The following PLXNA4 variants were observed in gnomAD, a reference collection of about 807,000 sequenced individuals.
The protein encoded by PLXNA4 is plexin A4, also known as plexin-A4.
A neutral mutation model predicts 191.8 loss-of-function variants in PLXNA4; 44 were observed. The ratio of observed to expected loss-of-function variants is 0.23; its 90% CI spans 0.18 to 0.29. The LOEUF is 0.29. Ranked by LOEUF, PLXNA4 falls within the 10% of genes least tolerant of loss-of-function variation. The pLI is 1.00. For missense variants in PLXNA4, 1,800 were observed against 2,488.8 expected, an observed-to-expected ratio of 0.72 and a Z score of 5.89; for synonymous variants, 1,082 against 1,009.5, an observed-to-expected ratio of 1.07 and a Z score of -1.36.
intron 20 of PLXNA4, among the ~76,000 whole-genome samples, chr7:132,179,176 C>T (rs536552619): frequency 6.7e-6 from 1 of 150,312 alleles, no homozygotes; most frequent in Admixed American, 6.6e-5. Context: ...GCCTCCAGCA[C>T]TGCTCACAGC....
At chr7:132,575,999 G>A (rs1009799136) in intron 1 of PLXNA4, among the ~76,000 whole-genome samples, 2 of 152,202 alleles carry the variant, frequency 1.3e-5, no homozygotes, top group Non-Finnish European at 2.9e-5. Flanking sequence ...ACACTGGGTA[G>A]GTCTCCGGAA....
Position 132,130,317 on chromosome 7 carries a change from A to T in PLXNA4, c.*162T>A. 1.0e-6 allele frequency: 1 copy of T among 973,122 alleles called. No homozygotes were observed. Among genetic ancestry groups the T allele is most frequent in the African/African-American group, 1.6e-5 (1 of 62,618 alleles). The allele number at this position is 973,122 out of a possible 1,614,324, so 60.3% of individuals were successfully genotyped here. A position where few individuals can be genotyped will look rare whatever the true frequency, so the allele number is the denominator to read the frequency against. On this transcript the variant is annotated 3_prime_UTR_variant, in exon 32 of 32. Coordinates refer to ENST00000321063, the MANE Select transcript of PLXNA4 (RefSeq NM_020911.2). The stretch of plus-strand genomic sequence containing the variant: ...CAACTGGAAGAGAAGAGATCCAGGA[A>T]GGAGGGAGAAACGGAAAGAGGCAGA...
At chr7:132,350,169 T>C (rs1803424203) in intron 3 of PLXNA4, among the ~76,000 whole-genome samples, 1 of 152,158 alleles carries the variant, frequency 6.6e-6, no homozygotes, top group South Asian at 2.1e-4. Context: ...TGTTCACAAG[T>C]TAATTGTTTA....
At chr7:132,566,168 A>C (rs577948284) in intron 1 of PLXNA4, among the ~76,000 whole-genome samples, 2 of 152,130 alleles carry the variant, frequency 1.3e-5, no homozygotes, top group East Asian at 1.9e-4. Context: ...CCGTGCCTGC[A>C]CCAAGCATGG....
At chr7:132,309,577 C>A (rs141000317) in intron 3 of PLXNA4, among the ~76,000 whole-genome samples, 2 of 152,038 alleles carry the variant, frequency 1.3e-5, no homozygotes, top group Non-Finnish European at 2.9e-5. Flanking sequence ...TTAATGCCTG[C>A]GAGACAATGA....
chr7:132,521,171 G>T (rs1212627696), intron 1 of PLXNA4, among the ~76,000 whole-genome samples: 3 of 127,834 alleles, frequency 2.3e-5, no homozygotes, highest in Non-Finnish European at 4.7e-5. Flanking sequence ...AGATATATTT[G>T]CTCCTTGAAA....
At chr7:132,515,617 T>A (rs995659269) in intron 1 of PLXNA4, among the ~76,000 whole-genome samples, 7 of 152,112 alleles carry the variant, frequency 4.6e-5, no homozygotes, top group African/African-American at 7.2e-5. Context: ...CAATCCCAGG[T>A]GATGTTCGAA....
intron 3 of PLXNA4, among the ~76,000 whole-genome samples, chr7:132,469,152 G>GA (rs974407355): frequency 8.1e-6 from 1 of 123,512 alleles, no homozygotes; most frequent in Non-Finnish European, 1.8e-5. Context: ...AAGAAAGAAA[G>GA]AAAAAAAAAA....
rs113920133 is a variant in PLXNA4, at chr7:132,566,302, T to TCACACACACA, written c.-87+10119_-87+10120insTGTGTGTGTG. ...CACACTCCCACACTCTCCCTCTCTCTCTCACACACACACACATACAATCAT... is the reference window on the plus strand; with the variant it reads ...CACACTCCCACACTCTCCCTCTCTCTCACACACACACTCACACACACACACATACAATCAT... On this transcript the variant is annotated intron_variant, in intron 1 of 31. Coordinates refer to ENST00000321063, the MANE Select transcript of PLXNA4 (RefSeq NM_020911.2). Among the ~76,000 whole-genome samples the TCACACACACA allele has an allele frequency of 2.4e-3, 370 of 152,002 alleles. 3 individuals carry two copies. The highest frequency in any genetic ancestry group is 8.6e-3 in the African/African-American group (355 of 41,350).
chr7:132,147,729 C>G (rs960009266), intron 27 of PLXNA4, among the ~76,000 whole-genome samples, 171 bp downstream of exon 27: 1 of 152,216 alleles, frequency 6.6e-6, no homozygotes, highest in South Asian at 2.1e-4. Flanking sequence ...TCAGAGTGCC[C>G]GACTGAAACC....
intron 3 of PLXNA4, among the ~76,000 whole-genome samples, chr7:132,362,353 G>A (rs557800962): frequency 5.3e-5 from 8 of 152,278 alleles, no homozygotes; most frequent in African/African-American, 1.9e-4. Flanking sequence ...CTCATTTCTG[G>A]GTTGGGAATT....
intron 2 of PLXNA4, among the ~76,000 whole-genome samples, chr7:132,607,382 C>T (rs1410881188): frequency 6.6e-6 from 1 of 152,208 alleles, no homozygotes; most frequent in Non-Finnish European, 1.5e-5. Context: ...TCCCTGAGAG[C>T]AGACAGGGCC....
At chr7:132,436,383 T>C (rs1472004939) in intron 3 of PLXNA4, among the ~76,000 whole-genome samples, 1 of 152,180 alleles carries the variant, frequency 6.6e-6, no homozygotes, top group Non-Finnish European at 1.5e-5. Flanking sequence ...ACCATGCCAC[T>C]ATCCAGGATA....
chr7:132,269,548 TCTGAAAGAGCC>T (rs2116316912), intron 4 of PLXNA4, among the ~76,000 whole-genome samples: 1 of 152,292 alleles, frequency 6.6e-6, no homozygotes, highest in Admixed American at 6.5e-5. Context: ...GTTAGGCATG[TCTGAAAGAGCC>T]AGCAGGATCT....
intron 3 of PLXNA4, among the ~76,000 whole-genome samples, chr7:132,306,827 T>C (rs1033087897): frequency 1.3e-5 from 2 of 151,926 alleles, no homozygotes; most frequent in African/African-American, 2.4e-5. Context: ...ACACAATCTC[T>C]AGAATTTTCC....
At chr7:132,136,767 A>G (rs566971078) in intron 30 of PLXNA4, among the ~76,000 whole-genome samples, 2 of 152,364 alleles carry the variant, frequency 1.3e-5, no homozygotes, top group South Asian at 4.1e-4. Context: ...TGGAAAGGAC[A>G]CAGCGTTGGC....
chr7:132,589,953 G>A (rs530818962), intron 2 of PLXNA4, among the ~76,000 whole-genome samples: 1 of 152,290 alleles, frequency 6.6e-6, no homozygotes, highest in African/African-American at 2.4e-5. Flanking sequence ...ACGCAGAAGA[G>A]AGAAAATACT....
chr7:132,393,366 A>G (rs927295590), intron 3 of PLXNA4, among the ~76,000 whole-genome samples: 15 of 152,070 alleles, frequency 9.9e-5, no homozygotes, highest in Admixed American at 9.8e-4. Context: ...TGATCATGGT[A>G]CCCTCAAGAA....
At chr7:132,426,376 A>T (rs1177634008) in intron 3 of PLXNA4, among the ~76,000 whole-genome samples, 1 of 152,120 alleles carries the variant, frequency 6.6e-6, no homozygotes, top group Non-Finnish European at 1.5e-5. Context: ...GACAGTATAG[A>T]TGTATTGTCT....
Sources: gnomAD v4.1 joint callset for allele counts (sites outside exome capture counted in the v4.1 genomes callset) on GRCh38, gnomAD v4.1.1 for gene constraint, MANE v1.5 for transcripts, NCBI Gene and HGNC (gene_info 2026-07-23, HGNC 2026-07-21) for gene names.